The following NECAB2 variants were observed in gnomAD, a reference collection of about 807,000 sequenced individuals.
The protein encoded by NECAB2 is N-terminal EF-hand calcium-binding protein 2.
NECAB2 carries 68 observed loss-of-function variants against 51.9 expected under a neutral mutation model. The observed-to-expected ratio is 1.31, with a 90% CI of 1.08 to 1.60. The LOEUF (loss-of-function observed/expected upper bound fraction) is 1.60. Among genes scored for constraint, NECAB2 ranks in the 40% most tolerant of loss-of-function variants. The pLI is 0.00. For synonymous variants in NECAB2, 329 were observed against 203.5 expected (o/e 1.62, Z -5.25); for missense variants, 854 against 490.3 (o/e 1.74, Z -7.00).
At chr16:83,979,192 A>C (rs1042787210) in intron 3 of NECAB2, among the ~76,000 whole-genome samples, 3 of 152,194 alleles carry the variant, frequency 2.0e-5, no homozygotes, top group Admixed American at 2.0e-4. Context: ...TTCCCCAGAC[A>C]GGATGAGGTC....
chr16:83,974,262 G>T lies in NECAB2; in HGVS notation c.226+2087G>T, dbSNP rs144307683. Among the ~76,000 whole-genome samples the T allele has an allele frequency of 3.9e-4, 60 of 152,226 alleles. No individual in the cohort carries two copies. In the East Asian group the frequency reaches 7.7e-3, roughly 20 times the overall value. Reference sequence around the variant, plus strand: ...TCAAGTCCTGGCTCAGCCGCGTACCGGCTCTGGCCTCAGGCAAGTCACCAA... The same window carrying T: ...TCAAGTCCTGGCTCAGCCGCGTACCTGCTCTGGCCTCAGGCAAGTCACCAA... On this transcript the variant is annotated intron_variant, in intron 2 of 12. Transcript: ENST00000305202.
At chr16:83,997,361 T>A in intron 9 of NECAB2, 92 bp downstream of exon 9, 1 of 1,513,688 alleles carries the variant, frequency 6.6e-7, no homozygotes, top group Non-Finnish European at 9.1e-7. Flanking sequence ...CTGACCCCGC[T>A]CTCCCTGCTT....
chr16:83,996,771 T>TAA (rs907718510), intron 8 of NECAB2, among the ~76,000 whole-genome samples: 3 of 151,726 alleles, frequency 2.0e-5, no homozygotes, highest in Middle Eastern at 3.4e-3. Flanking sequence ...GACCGAAACT[T>TAA]ACAGTGGGGC....
intron 1 of NECAB2, 53 bp from the exon 2 acceptor site, chr16:83,972,098 G>A: frequency 1.2e-6 from 2 of 1,610,284 alleles, no homozygotes; most frequent in Non-Finnish European, 1.7e-6. Flanking sequence ...GAGGCTGCAG[G>A]AAGCGCTTGC....
intron 2 of NECAB2, among the ~76,000 whole-genome samples, chr16:83,973,171 G>A (rs1274692629): frequency 6.6e-6 from 1 of 152,236 alleles, no homozygotes; most frequent in Non-Finnish European, 1.5e-5. Context: ...GCACGCAACA[G>A]AGACCCTGTG....
At position 83,991,905 on chromosome 16, in the gene NECAB2, T is replaced by A. The variant is rs1207663329; in HGVS notation, c.596+1275T>A. On this transcript the variant is annotated intron_variant, in intron 6 of 12. Transcript: ENST00000305202. ...TCCTGGTCTCAGCAATCCTGCTGTC[T>A]CAGTCTTCCAAAGGGCTGGGATTAC... 2.0e-5 allele frequency among the ~76,000 whole-genome samples: 3 copies of A among 151,228 alleles called. 1 individual carries two copies. The highest frequency in any genetic ancestry group is 2.0e-4 in the Admixed American group (3 of 15,130).
intron 6 of NECAB2, among the ~76,000 whole-genome samples, chr16:83,991,422 A>C (rs897647609): frequency 1.5e-5 from 2 of 130,324 alleles, no homozygotes; most frequent in African/African-American, 6.3e-5. Flanking sequence ...GCTGGAGTGC[A>C]GTGGCGAGAT....
At chr16:83,994,781 A>C (rs2084673874) in intron 8 of NECAB2, 93 bp downstream of exon 8, 1 of 1,397,932 alleles carries the variant, frequency 7.2e-7, no homozygotes, top group Non-Finnish European at 1.0e-6. Flanking sequence ...TCTGGGCTGC[A>C]GAGGGGCCAG....
At position 83,998,267 on chromosome 16, in the gene NECAB2, C is replaced by G. The variant is rs148068586; in HGVS notation, c.912C>G (p.Asp304Glu). The part of the protein sequence containing the change: ...VCPEQLSEFL[D>E]SLRQYLRGTT... ...CCGAGCAACTGAGCGAGTTTCTGGA[C>G]TCTCTGCGCCAGTATCTGCGGGGGA... Residue 304 changes from aspartate (D) to glutamate (E), a missense_variant, in exon 10 of 13, where the codon GAC (aspartate) becomes GAG (glutamate). Transcript: ENST00000305202. 17 of 1,612,916 alleles carry G rather than the reference C, an allele frequency of 1.1e-5. No individual in the cohort carries two copies. The highest frequency in any genetic ancestry group is 1.4e-5 in the Non-Finnish European group (16 of 1,179,642).
rs2084760205 is a variant in NECAB2 at position 83,998,784 on chromosome 16, A to C, written c.962+467A>C. Among the ~76,000 whole-genome samples the C allele has an allele frequency of 2.8e-5, 4 of 140,794 alleles. No individual in the cohort carries two copies. In the South Asian group the frequency reaches 6.4e-4, roughly 23 times the overall value. The allele number at this position is 140,794 out of a possible 152,430, so 92.4% of individuals were successfully genotyped here. On this transcript the variant is annotated intron_variant, in intron 10 of 12. Coordinates refer to ENST00000305202, the MANE Select transcript of NECAB2 (RefSeq NM_019065.3). ...GTCGGTAGCTGAAGGGAAATGCCCA[A>C]GTCATGTAGTTGCCCTTCTCCCCCT...
chr16:83,974,137 C>G (rs369385210), intron 2 of NECAB2, among the ~76,000 whole-genome samples: 133 of 152,160 alleles, frequency 8.7e-4, no homozygotes, highest in African/African-American at 2.8e-3. Flanking sequence ...TTACCAGCCA[C>G]CACTATGTGA....
chr16:83,980,393 G>C (rs984228739), intron 3 of NECAB2, among the ~76,000 whole-genome samples: 2 of 152,130 alleles, frequency 1.3e-5, no homozygotes, highest in Non-Finnish European at 2.9e-5. Context: ...TGGGACCCAG[G>C]GGCTGCGACC....
rs1351182753 is a variant in NECAB2 at position 83,996,681 on chromosome 16, A to G, written c.796-535A>G. Among the ~76,000 whole-genome samples the G allele has an allele frequency of 1.1e-4, 17 of 152,098 alleles. 1 individual carries two copies. The highest frequency in any genetic ancestry group is 9.8e-4 in the Admixed American group (15 of 15,262). Reference sequence around the variant, plus strand: ...GAGCCGGGGTTCTCTGCCGTGACATAGTGACTGTTGATCTTCTGTGGGGGC... The same window carrying G: ...GAGCCGGGGTTCTCTGCCGTGACATGGTGACTGTTGATCTTCTGTGGGGGC... On this transcript the variant is annotated intron_variant, in intron 8 of 12. Coordinates refer to ENST00000305202, the MANE Select transcript of NECAB2 (RefSeq NM_019065.3).
At chr16:83,997,838 A>C (rs909076961) in intron 9 of NECAB2, among the ~76,000 whole-genome samples, 5 of 152,124 alleles carry the variant, frequency 3.3e-5, no homozygotes, top group Non-Finnish European at 7.4e-5. Flanking sequence ...GCATAGAGCA[A>C]AGTGATCAGC....
chr16:83,994,930 G>A (rs983199996), intron 8 of NECAB2, among the ~76,000 whole-genome samples: 9 of 152,176 alleles, frequency 5.9e-5, no homozygotes, highest in African/African-American at 1.9e-4. Flanking sequence ...GGGGTCAGGC[G>A]GGCCTGCAGG....
At chr16:84,001,137 G>A (rs1218570086) in intron 11 of NECAB2, among the ~76,000 whole-genome samples, 2 of 152,130 alleles carry the variant, frequency 1.3e-5, no homozygotes, top group East Asian at 3.9e-4. Flanking sequence ...TAACCTAGAA[G>A]GTGACTCAGT....
At position 83,968,712 on chromosome 16, in the gene NECAB2, C is replaced by A; in HGVS notation, c.64C>A (p.Gln22Lys). Reference sequence around the variant, plus strand: ...GCACAGGCTGCTCCGGGAGCCGCCGCAGCAGGGCCGGGCGCTGGGCGGGCT... The same window carrying A: ...GCACAGGCTGCTCCGGGAGCCGCCGAAGCAGGGCCGGGCGCTGGGCGGGCT... Reference protein sequence around the residue: ...GAHRLLREPPQQGRALGGLLR... With the variant: ...GAHRLLREPPKQGRALGGLLR... Residue 22 changes from glutamine (Q) to lysine (K), a missense_variant, in exon 1 of 13, where the codon CAG becomes AAG. Coordinates refer to ENST00000305202, the MANE Select transcript of NECAB2 (RefSeq NM_019065.3). The A allele has an allele frequency of 3.0e-6, 3 of 1,012,338 alleles. No individual in the cohort carries two copies. Among genetic ancestry groups the A allele is most frequent in the Non-Finnish European group, 3.5e-6 (3 of 849,832 alleles). The allele number at this position is 1,012,338 out of a possible 1,614,324, so 62.7% of individuals were successfully genotyped here. A position where few individuals can be genotyped will look rare whatever the true frequency, so the allele number is the denominator to read the frequency against.
chr16:83,966,964 T>G (rs1025527422), upstream of NECAB2, among the ~76,000 whole-genome samples: 2 of 152,134 alleles, frequency 1.3e-5, no homozygotes, highest in Non-Finnish European at 2.9e-5. Flanking sequence ...CCTCTGCTTC[T>G]GGGTTGAAAT....
In NECAB2 at chr16:84,001,857, G is replaced by A. The variant is rs376727485; in HGVS notation, c.1073G>A (p.Arg358Gln). Residue 358 changes from arginine (R) to glutamine (Q), a missense_variant, in exon 12 of 13, where the codon CGG (arginine) becomes CAG (glutamine). Physicochemically the swap from Arg to Gln is conservative, Grantham distance 43. Coordinates refer to ENST00000305202, the MANE Select transcript of NECAB2 (RefSeq NM_019065.3). ...HLQSPLCKAFRHVKVDTLSQP... is the reference protein window; with the variant it reads ...HLQSPLCKAFQHVKVDTLSQP... Reference sequence around the variant, plus strand: ...CAGAGCCCCCTGTGTAAGGCGTTCCGGCACGTCAAGGTGGACACACTGAGC... The same window carrying A: ...CAGAGCCCCCTGTGTAAGGCGTTCCAGCACGTCAAGGTGGACACACTGAGC... 7.9e-5 allele frequency: 127 copies of A among 1,614,108 alleles called. No individual in the cohort carries two copies. Among genetic ancestry groups the A allele is most frequent in the East Asian group, 4.0e-4 (18 of 44,882 alleles).
Sources: allele counts gnomAD v4.1 joint callset (sites outside exome capture counted in the v4.1 genomes callset), GRCh38; gene constraint gnomAD v4.1.1; transcripts MANE v1.5; gene names NCBI Gene and HGNC (gene_info 2026-07-23, HGNC 2026-07-21).